Variants in SIK3 observed in about 807,000 individuals in gnomAD.
SIK3 encodes serine/threonine-protein kinase SIK3.
A neutral mutation model predicts 144.2 loss-of-function variants in SIK3; 28 were observed. The ratio of observed to expected loss-of-function variants is 0.19; its 90% CI spans 0.14 to 0.27. SIK3 has a LOEUF of 0.27. Ranked by LOEUF, SIK3 falls within the 10% of genes least tolerant of loss-of-function variation. The probability of loss-of-function intolerance (pLI) is 1.00; values close to 1 mark genes in which losing one functional copy is unlikely to be tolerated. For missense variants in SIK3, 1,319 were observed against 1,776.0 expected (o/e 0.74, Z 4.62); for synonymous variants, 686 against 676.3 (o/e 1.01, Z -0.22).
chr11:116,937,496 T>C (rs1947983514), intron 3 of SIK3, among the ~76,000 whole-genome samples: 2 of 152,194 alleles, frequency 1.3e-5, no homozygotes, highest in Admixed American at 1.3e-4. Flanking sequence ...TACATAAAGT[T>C]AAAAGTATTC....
Position 116,852,272 on chromosome 11 carries a change from C to T in SIK3, c.3656-2989G>A, listed in dbSNP as rs144846220. 8.9e-3 allele frequency among the ~76,000 whole-genome samples: 1,352 copies of T among 152,314 alleles called. 18 individuals are homozygous for T. Among genetic ancestry groups the T allele is most frequent in the African/African-American group, 0.031 (1,272 of 41,552 alleles). On this transcript the variant is annotated intron_variant, in intron 21 of 24. Transcript: ENST00000445177. ...AGAATGGGGCCTCTGCAAACCAAAA[C>T]ACCCACCCTCCTTTGGGCTCTGCCT...
At chr11:117,042,347 C>T (rs1040133881) in intron 1 of SIK3, among the ~76,000 whole-genome samples, 3 of 152,176 alleles carry the variant, frequency 2.0e-5, no homozygotes, top group Admixed American at 6.5e-5. Context: ...CTAGTAAACG[C>T]AATTCGCAGG....
At chr11:117,032,694 A>G (rs1370989368) in intron 1 of SIK3, among the ~76,000 whole-genome samples, 1 of 150,958 alleles carries the variant, frequency 6.6e-6, no homozygotes, top group East Asian at 1.9e-4. Context: ...TTTTTTTAAA[A>G]GAGATGGGTT....
intron 1 of SIK3, among the ~76,000 whole-genome samples, chr11:117,085,088 A>ATCTT (rs975483266): frequency 6.6e-6 from 1 of 151,636 alleles, no homozygotes; most frequent in African/African-American, 2.4e-5. Flanking sequence ...GTGCTAATCA[A>ATCTT]TCTTTCTTTC....
intron 1 of SIK3, among the ~76,000 whole-genome samples, chr11:117,071,466 G>T (rs561034787): frequency 6.6e-6 from 1 of 152,062 alleles, no homozygotes; most frequent in East Asian, 1.9e-4. Flanking sequence ...TAAGGACAGA[G>T]GCCATGCCTC....
chr11:117,038,106 T>C (rs1952590106), intron 1 of SIK3, among the ~76,000 whole-genome samples: 1 of 152,122 alleles, frequency 6.6e-6, no homozygotes, highest in African/African-American at 2.4e-5. Context: ...AATTTGCATA[T>C]CAGACCATAT....
At chr11:116,850,543 A>T (rs1246215269) in intron 21 of SIK3, among the ~76,000 whole-genome samples, 1 of 152,244 alleles carries the variant, frequency 6.6e-6, no homozygotes, top group African/African-American at 2.4e-5. Flanking sequence ...AAACTTCAAA[A>T]GACTTTGTCT....
chr11:116,908,408 AGCCGAGACTGCTGTGG>A (rs1455329938), intron 4 of SIK3, among the ~76,000 whole-genome samples: 3 of 152,116 alleles, frequency 2.0e-5, no homozygotes, highest in Non-Finnish European at 4.4e-5. Context: ...GAGCCTAGGA[AGCCGAGACTGCTGTGG>A]GCTGTGATCA....
chr11:116,922,428 T>C (rs1324022048), intron 4 of SIK3, among the ~76,000 whole-genome samples: 7 of 152,116 alleles, frequency 4.6e-5, no homozygotes, highest in Non-Finnish European at 1.0e-4. Context: ...GAGGCTGAGG[T>C]TGCAGTGAGC....
At chr11:117,092,803 G>A (rs7950093) in intron 1 of SIK3, among the ~76,000 whole-genome samples, 2 of 151,928 alleles carry the variant, frequency 1.3e-5, no homozygotes, top group African/African-American at 2.4e-5. Flanking sequence ...TCTTTTACGC[G>A]ATGAACTAGA....
At chr11:117,068,378 C>CTA (rs1329409090) in intron 1 of SIK3, among the ~76,000 whole-genome samples, 1 of 152,198 alleles carries the variant, frequency 6.6e-6, no homozygotes, top group Non-Finnish European at 1.5e-5. Flanking sequence ...CCCTGGAATG[C>CTA]TATCCCCATA....
chr11:116,959,383 T>C (rs537033855), intron 1 of SIK3, among the ~76,000 whole-genome samples: 1 of 152,252 alleles, frequency 6.6e-6, no homozygotes, highest in East Asian at 1.9e-4. Context: ...ATGGATCACC[T>C]CCAATCTCAA....
chr11:116,935,165 T>C (rs1216091877), intron 3 of SIK3, among the ~76,000 whole-genome samples: 3 of 152,114 alleles, frequency 2.0e-5, no homozygotes, highest in African/African-American at 7.2e-5. Flanking sequence ...GGAGGATCAC[T>C]TGAACCCAGG....
intron 4 of SIK3, among the ~76,000 whole-genome samples, chr11:116,910,243 CA>C (rs1240716072): frequency 1.3e-5 from 2 of 151,576 alleles, no homozygotes; most frequent in African/African-American, 4.8e-5. Context: ...TAACGAAGAA[CA>C]CTAAAAAAAA....
rs777771419 is a variant in SIK3, at chr11:116,858,070, G to A, written c.3395C>T (p.Ala1132Val). ...TGAATGCATCAGTGCCGGCTGGTGAGCATACCCGTGGGGCGGGGTGGGTGA... is the reference window on the plus strand; with the variant it reads ...TGAATGCATCAGTGCCGGCTGGTGAACATACCCGTGGGGCGGGGTGGGTGA... ...ASSPTPPHGYAHQPALMHSES... is the reference protein window; with the variant it reads ...ASSPTPPHGYVHQPALMHSES... The change falls in exon 21 of 25, where the codon GCT becomes GTT. Residue 1132 changes from alanine to valine, a missense_variant. Transcript: ENST00000445177. The surrounding 1 kb of genome is among the most constrained non-coding windows in gnomAD (Gnocchi z 5.4). 8 of 1,613,828 alleles carry A rather than the reference G, an allele frequency of 5.0e-6. No homozygotes were observed. In the South Asian group the frequency reaches 8.8e-5, roughly 18 times the overall value.
chr11:116,909,394 G>C (rs1946219747), intron 4 of SIK3, among the ~76,000 whole-genome samples: 1 of 151,774 alleles, frequency 6.6e-6, no homozygotes, highest in Non-Finnish European at 1.5e-5. Context: ...TTTTCTCTTG[G>C]GGGAAGGATA....
intron 1 of SIK3, among the ~76,000 whole-genome samples, chr11:117,005,451 C>A (rs1951013384): frequency 6.6e-6 from 1 of 151,216 alleles, no homozygotes; most frequent in African/African-American, 2.4e-5. Context: ...CTATAAAGAT[C>A]CCTGCAAGAG....
At chr11:116,891,151 T>C (rs888016860) in intron 6 of SIK3, among the ~76,000 whole-genome samples, 1 of 151,990 alleles carries the variant, frequency 6.6e-6, no homozygotes, top group African/African-American at 2.4e-5. Context: ...TATAAAAAAA[T>C]GTTTAAAAAT....
At chr11:117,061,472 A>G (rs1430399468) in intron 1 of SIK3, among the ~76,000 whole-genome samples, 1 of 152,164 alleles carries the variant, frequency 6.6e-6, no homozygotes, top group African/African-American at 2.4e-5. Flanking sequence ...TCTAAGTGTC[A>G]GTTTCTTCAC....
Sources: allele counts gnomAD v4.1 joint callset (sites outside exome capture counted in the v4.1 genomes callset), GRCh38; gene constraint gnomAD v4.1.1; non-coding constraint Gnocchi (gnomAD v3.1); transcripts MANE v1.5; gene names NCBI Gene and HGNC (gene_info 2026-07-23, HGNC 2026-07-21).